FGF12: variants seen among roughly 807,000 people sequenced by gnomAD.
The protein encoded by FGF12 is fibroblast growth factor 12B.
Under a neutral mutation model 23.6 loss-of-function variants are expected in FGF12, and 14 were observed. The ratio of observed to expected loss-of-function variants is 0.59; its 90% CI spans 0.39 to 0.93. The LOEUF is 0.93. Ranked by LOEUF, FGF12 falls within the 40% of genes least tolerant of loss-of-function variation. FGF12 has a pLI of 0.00. For synonymous variants in FGF12, 62 were observed against 77.3 expected (o/e 0.80, Z 1.04); for missense variants, 175 against 217.8 (o/e 0.80, Z 1.24).
At chr3:192,226,630 C>T (rs1461153915) in intron 4 of FGF12, among the ~76,000 whole-genome samples, 1 of 152,198 alleles carries the variant, frequency 6.6e-6, no homozygotes. Context: ...GAAGTGGAAC[C>T]TTTGCAAGGT....
chr3:192,509,236 T>C (rs2108838440), intron 2 of FGF12, among the ~76,000 whole-genome samples: 1 of 152,320 alleles, frequency 6.6e-6, no homozygotes, highest in Middle Eastern at 3.4e-3. Flanking sequence ...TTCCCTTCTC[T>C]CTTCTGCTGT....
At chr3:192,228,928 T>A (rs536617707) in intron 4 of FGF12, among the ~76,000 whole-genome samples, 3 of 152,170 alleles carry the variant, frequency 2.0e-5, no homozygotes, top group African/African-American at 4.8e-5. Context: ...TACGTTTTTT[T>A]AAAATTAACT....
intron 2 of FGF12, among the ~76,000 whole-genome samples, chr3:192,643,045 C>T (rs1358882169): frequency 6.6e-6 from 1 of 152,212 alleles, no homozygotes; most frequent in Non-Finnish European, 1.5e-5. Flanking sequence ...TTAAGTGTTT[C>T]TTCATGGAAT....
In FGF12 at chr3:192,197,080, A is replaced by C. The variant is rs571184638; in HGVS notation, c.229-26424T>G. Among the ~76,000 whole-genome samples, 8 of 152,308 alleles carry C rather than the reference A, an allele frequency of 5.3e-5. No homozygotes were observed. In the South Asian group the frequency reaches 1.7e-3, roughly 32 times the overall value. ...TTCCCTTAGAATTAATTATCTAAAA[A>C]TTATAATGGATTACTGTTCCTATTG... On this transcript the variant is annotated intron_variant, in intron 4 of 5. Coordinates refer to ENST00000445105, the MANE Select transcript of FGF12 (RefSeq NM_004113.6).
intron 2 of FGF12, among the ~76,000 whole-genome samples, chr3:192,460,363 C>T (rs1722823722): frequency 6.6e-6 from 1 of 152,122 alleles, no homozygotes; most frequent in South Asian, 2.1e-4. Context: ...CAGAAACCTG[C>T]CTGAGTTCTC....
intron 2 of FGF12, among the ~76,000 whole-genome samples, chr3:192,537,913 G>A (rs187119798): frequency 1.4e-5 from 2 of 139,646 alleles, no homozygotes; most frequent in East Asian, 4.1e-4. Context: ...TCTTTTATTA[G>A]TTTCATAGTG....
intron 2 of FGF12, among the ~76,000 whole-genome samples, chr3:192,497,308 C>A (rs1723987642): frequency 1.3e-5 from 2 of 152,174 alleles, no homozygotes; most frequent in Non-Finnish European, 2.9e-5. Context: ...GACAGTTCTA[C>A]CTTCAAAATA....
At chr3:192,656,023 CA>C (rs1468591315) in intron 2 of FGF12, among the ~76,000 whole-genome samples, 1 of 140,276 alleles carries the variant, frequency 7.1e-6, no homozygotes, top group Non-Finnish European at 1.5e-5. Flanking sequence ...GAAATTCCCT[CA>C]TCCAGGAGGT....
intron 4 of FGF12, among the ~76,000 whole-genome samples, chr3:192,185,884 T>G (rs1015093548): frequency 1.3e-5 from 2 of 151,006 alleles, no homozygotes; most frequent in African/African-American, 4.9e-5. Flanking sequence ...TTACAGCGAA[T>G]AATTAATGGA....
chr3:192,287,992 A>G (rs1425708003), intron 4 of FGF12, among the ~76,000 whole-genome samples: 1 of 152,040 alleles, frequency 6.6e-6, no homozygotes, highest in East Asian at 1.9e-4. Flanking sequence ...AAATGTAGTT[A>G]TTGTCTGTTA....
At chr3:192,589,000 A>T (rs1271293169) in intron 2 of FGF12, among the ~76,000 whole-genome samples, 1 of 151,912 alleles carries the variant, frequency 6.6e-6, no homozygotes, top group Non-Finnish European at 1.5e-5. Flanking sequence ...GTCGCTAGAA[A>T]CTGTATCAGC....
intron 2 of FGF12, among the ~76,000 whole-genome samples, chr3:192,499,249 A>G (rs1724048805): frequency 6.6e-6 from 1 of 151,966 alleles, no homozygotes; most frequent in Non-Finnish European, 1.5e-5. Context: ...GAATTTTGAG[A>G]GTCAAAGAGG....
At chr3:192,221,385 C>T (rs1718468686) in intron 4 of FGF12, among the ~76,000 whole-genome samples, 2 of 152,158 alleles carry the variant, frequency 1.3e-5, no homozygotes, top group African/African-American at 4.8e-5. Context: ...GGTTAAAATG[C>T]TATGCATACG....
At chr3:192,642,524 T>G (rs2108666211) in intron 2 of FGF12, among the ~76,000 whole-genome samples, 1 of 152,358 alleles carries the variant, frequency 6.6e-6, no homozygotes, top group South Asian at 2.1e-4. Flanking sequence ...ATAACTTTTG[T>G]CTCTGGCCAA....
chr3:192,250,241 C>T (rs933476222), intron 4 of FGF12, among the ~76,000 whole-genome samples: 1 of 151,938 alleles, frequency 6.6e-6, no homozygotes, highest in African/African-American at 2.4e-5. Flanking sequence ...GTTCTCTGGC[C>T]CTGGAAATGC....
At chr3:192,311,856 T>C (rs909473691) in intron 4 of FGF12, among the ~76,000 whole-genome samples, 2 of 152,162 alleles carry the variant, frequency 1.3e-5, no homozygotes, top group African/African-American at 2.4e-5. Flanking sequence ...TGGTATCTTC[T>C]TGTGATTTTA....
At chr3:192,591,222 G>A (rs4106105) in intron 2 of FGF12, among the ~76,000 whole-genome samples, 39,623 of 150,352 alleles carry the variant, frequency 0.26, 5,961 homozygotes, top group East Asian at 0.52. Context: ...TCTTCTATCC[G>A]TCTTCTACTT....
intron 2 of FGF12, among the ~76,000 whole-genome samples, chr3:192,672,295 A>G (rs1052349525): frequency 1.3e-5 from 2 of 151,224 alleles, no homozygotes; most frequent in Non-Finnish European, 3.0e-5. Flanking sequence ...AGTATTTAAA[A>G]ATAAGATTTT....
chr3:192,563,138 A>G (rs1167743229), intron 2 of FGF12, among the ~76,000 whole-genome samples: 1 of 152,202 alleles, frequency 6.6e-6, no homozygotes, highest in Non-Finnish European at 1.5e-5. Flanking sequence ...TAGAACTGGG[A>G]CCTACCGTTG....
Sources: gnomAD v4.1 joint callset for allele counts (sites outside exome capture counted in the v4.1 genomes callset) on GRCh38, gnomAD v4.1.1 for gene constraint, MANE v1.5 for transcripts, NCBI Gene and HGNC (gene_info 2026-07-23, HGNC 2026-07-21) for gene names.